Variants in SOX6 observed in about 807,000 individuals in gnomAD.
SOX6 encodes the protein SRY-box transcription factor 6, also known as transcription factor SOX-6.
Under a neutral mutation model 97.8 loss-of-function variants are expected in SOX6, and 11 were observed. The observed-to-expected ratio is 0.11, with a 90% CI of 0.07 to 0.19. The LOEUF (loss-of-function observed/expected upper bound fraction) is 0.19, where lower values mean the gene tolerates loss of function less well. SOX6 is among the 10% of genes least tolerant of loss of function. The probability of loss-of-function intolerance (pLI) is 1.00; values close to 1 mark genes in which losing one functional copy is unlikely to be tolerated. For synonymous variants in SOX6, 360 were observed against 371.4 expected (o/e 0.97, Z 0.35); for missense variants, 810 against 1,039.5 (o/e 0.78, Z 3.04).
At chr11:16,114,744 A>C (rs921949587) in intron 6 of SOX6, among the ~76,000 whole-genome samples, 1 of 152,196 alleles carries the variant, frequency 6.6e-6, no homozygotes, top group African/African-American at 2.4e-5. Context: ...GTGGGAATAC[A>C]TGCTCATTTG....
intron 3 of SOX6, among the ~76,000 whole-genome samples, chr11:16,251,434 T>C (rs1853505206): frequency 1.3e-5 from 2 of 151,932 alleles, no homozygotes; most frequent in African/African-American, 4.8e-5. Flanking sequence ...GGAGACATTA[T>C]TCCATATATA....
At chr11:16,469,077 A>G (rs1860094952) in intron 1 of SOX6, among the ~76,000 whole-genome samples, 2 of 133,894 alleles carry the variant, frequency 1.5e-5, no homozygotes, top group Admixed American at 1.4e-4. Flanking sequence ...TGGTACAGCG[A>G]AAAAAAAAAA....
chr11:15,974,028 A>G (rs985660342), intron 15 of SOX6, among the ~76,000 whole-genome samples: 7 of 152,348 alleles, frequency 4.6e-5, no homozygotes, highest in South Asian at 2.1e-4. Flanking sequence ...CTCAGAGACT[A>G]TGGCGAAAAT....
At chr11:16,346,677 A>G (rs914397314) in intron 1 of SOX6, among the ~76,000 whole-genome samples, 4 of 152,214 alleles carry the variant, frequency 2.6e-5, no homozygotes, top group African/African-American at 7.2e-5. Context: ...AAAGTTATAA[A>G]CCTATCTTCT....
chr11:16,099,111 T>C (rs529152268), intron 7 of SOX6, among the ~76,000 whole-genome samples: 5 of 151,806 alleles, frequency 3.3e-5, no homozygotes, highest in Non-Finnish European at 5.9e-5. Context: ...TCTGATTGCA[T>C]ATGGAGCGCT....
chr11:16,592,964 G>A (rs1455585698), intron 4 of SOX6, among the ~76,000 whole-genome samples: 3 of 151,774 alleles, frequency 2.0e-5, no homozygotes. Flanking sequence ...AAGGTGCCTT[G>A]AGCAAGAATC....
chr11:16,555,615 T>A (rs1209464410), intron 4 of SOX6, among the ~76,000 whole-genome samples: 2 of 151,682 alleles, frequency 1.3e-5, no homozygotes, highest in Non-Finnish European at 3.0e-5. Flanking sequence ...AAATTATTTG[T>A]AACTATAATT....
At chr11:16,081,817 TGAG>T (rs1352537870) in intron 9 of SOX6, among the ~76,000 whole-genome samples, 2 of 152,186 alleles carry the variant, frequency 1.3e-5, no homozygotes, top group Admixed American at 1.3e-4. Context: ...ATGGAAAATA[TGAG>T]GAGAACAAAG....
chr11:16,664,131 C>T (rs1017569289), intron 3 of SOX6, among the ~76,000 whole-genome samples: 1 of 151,998 alleles, frequency 6.6e-6, no homozygotes, highest in Non-Finnish European at 1.5e-5. Context: ...AACAAACAAA[C>T]AAAAAACAAA....
intron 12 of SOX6, among the ~76,000 whole-genome samples, chr11:16,016,862 A>G (rs1854901700): frequency 6.6e-6 from 1 of 152,084 alleles, no homozygotes; most frequent in Non-Finnish European, 1.5e-5. Flanking sequence ...TTCTTGGAAG[A>G]ACAACCTTTA....
Position 16,538,840 on chromosome 11 carries a change from C to T in SOX6, n.610-62452G>A, listed in dbSNP as rs933173019. On this transcript the variant is annotated intron_variant and non_coding_transcript_variant, in intron 4 of 5. Coordinates refer to the SOX6 transcript ENST00000524520. ...ATTCATAAAGCAAGACCTTAGAGAC[C>T]TACAAAGAGACTCAGACTCCCACAC... Among the ~76,000 whole-genome samples, 8 of 152,206 alleles carry T rather than the reference C, an allele frequency of 5.3e-5. No homozygotes were observed. In the East Asian group the frequency reaches 1.4e-3, roughly 26 times the overall value.
At chr11:16,190,687 G>A (rs549890383) in intron 4 of SOX6, among the ~76,000 whole-genome samples, 3 of 152,092 alleles carry the variant, frequency 2.0e-5, no homozygotes, top group Non-Finnish European at 4.4e-5. Context: ...CCCCTGTATT[G>A]GGGATCATAT....
chr11:16,486,166 A>C (rs1860430725), intron 4 of SOX6, among the ~76,000 whole-genome samples: 1 of 152,092 alleles, frequency 6.6e-6, no homozygotes, highest in South Asian at 2.1e-4. Flanking sequence ...CATGTGACTT[A>C]ATACAAAATT....
chr11:16,069,423 C>T (rs1400426698), intron 9 of SOX6, among the ~76,000 whole-genome samples: 4 of 152,096 alleles, frequency 2.6e-5, no homozygotes, highest in African/African-American at 7.2e-5. Context: ...TACATTCTAT[C>T]ACAACTTTTG....
intron 1 of SOX6, among the ~76,000 whole-genome samples, chr11:16,450,426 T>A (rs1201650953): frequency 6.6e-6 from 1 of 152,210 alleles, no homozygotes; most frequent in East Asian, 1.9e-4. Flanking sequence ...GTATTATGGA[T>A]AATGGGGAAA....
intron 3 of SOX6, among the ~76,000 whole-genome samples, chr11:16,683,926 G>A (rs1847948386): frequency 6.6e-6 from 1 of 152,166 alleles, no homozygotes; most frequent in South Asian, 2.1e-4. Context: ...GTGGGCAAAA[G>A]ATATGAACAG....
intron 6 of SOX6, among the ~76,000 whole-genome samples, chr11:16,112,691 CTA>C (rs1335729699): frequency 1.3e-5 from 2 of 152,232 alleles, no homozygotes; most frequent in East Asian, 3.9e-4. Flanking sequence ...AATCTTTACT[CTA>C]TATCAGTATT....
chr11:16,728,571 C>T (rs368583280), intron 2 of SOX6, among the ~76,000 whole-genome samples: 6 of 152,196 alleles, frequency 3.9e-5, no homozygotes, highest in East Asian at 3.9e-4. Context: ...AAACCCAATC[C>T]GAAGGTCACC....
At chr11:16,052,871 G>A (rs781585705) in intron 10 of SOX6, among the ~76,000 whole-genome samples, 3 of 152,114 alleles carry the variant, frequency 2.0e-5, no homozygotes, top group African/African-American at 4.8e-5. Context: ...CATGTGTCAG[G>A]AGGTCTTTCC....
Sources: allele counts gnomAD v4.1 joint callset (sites outside exome capture counted in the v4.1 genomes callset), GRCh38; gene constraint gnomAD v4.1.1; transcripts MANE v1.5; gene names NCBI Gene and HGNC (gene_info 2026-07-23, HGNC 2026-07-21).